Variants in ARID1A observed in about 807,000 individuals in gnomAD.
ARID1A encodes AT-rich interaction domain 1A, also known as AT-rich interactive domain-containing protein 1A.
ARID1A carries 20 observed loss-of-function variants against 212.6 expected under a neutral mutation model. That is an observed-to-expected ratio of 0.09 (90% confidence interval 0.07 to 0.14). The LOEUF is 0.14. Ranked by LOEUF, ARID1A falls within the 10% of genes least tolerant of loss-of-function variation. The pLI is 1.00. For missense variants in ARID1A, 2,587 were observed against 3,059.0 expected, an observed-to-expected ratio of 0.85 and a Z score of 3.64; for synonymous variants, 1,376 against 1,222.1, an observed-to-expected ratio of 1.13 and a Z score of -2.63.
chr1:26,766,889 A>G (rs912057752), intron 10 of ARID1A, among the ~76,000 whole-genome samples: 1 of 152,098 alleles, frequency 6.6e-6, no homozygotes, highest in Admixed American at 6.5e-5. Context: ...TGCCTCCTAT[A>G]CTCAAGCATT....
chr1:26,733,748 C>T (rs1317264541), intron 4 of ARID1A, among the ~76,000 whole-genome samples: 1 of 152,160 alleles, frequency 6.6e-6, no homozygotes, highest in African/African-American at 2.4e-5. Flanking sequence ...AATCCTGCTT[C>T]AGTTAGGAAA....
At chr1:26,755,114 A>G (rs868720895) in intron 4 of ARID1A, among the ~76,000 whole-genome samples, 1 of 152,244 alleles carries the variant, frequency 6.6e-6, no homozygotes, top group Non-Finnish European at 1.5e-5. Flanking sequence ...CTCAAAAAAA[A>G]CCAAACCAAA....
intron 1 of ARID1A, among the ~76,000 whole-genome samples, chr1:26,716,887 A>G (rs1407999519): frequency 6.6e-6 from 1 of 152,106 alleles, no homozygotes; most frequent in Non-Finnish European, 1.5e-5. Flanking sequence ...CGCCCTCCCA[A>G]AGTGCTGAGA....
Position 26,696,274 on chromosome 1 carries a change from C to G in ARID1A, c.-130C>G. The G allele has an allele frequency of 2.8e-6, 3 of 1,059,128 alleles. No individual in the cohort carries two copies. The highest frequency in any genetic ancestry group is 3.5e-6 in the Non-Finnish European group (3 of 862,360). 65.6% of individuals were successfully genotyped at this position (1,059,128 alleles called of 1,614,324 possible). On this transcript the variant is annotated 5_prime_UTR_variant, in exon 1 of 20. Coordinates refer to ENST00000324856, the MANE Select transcript of ARID1A (RefSeq NM_006015.6). The stretch of plus-strand genomic sequence containing the variant: ...GAGAGGAGCGAGCGCAGCGCAGCAG[C>G]GGAGCCCCGCGAGGCCCGCCCGGGC...
chr1:26,732,390 A>G (rs956145449), intron 3 of ARID1A, among the ~76,000 whole-genome samples: 13 of 152,164 alleles, frequency 8.5e-5, no homozygotes, highest in Admixed American at 2.0e-4. Context: ...CATTGGTCTC[A>G]TTCCTTGATA....
chr1:26,738,720 G>T (rs903094510), intron 4 of ARID1A, among the ~76,000 whole-genome samples: 1 of 151,740 alleles, frequency 6.6e-6, no homozygotes, highest in Non-Finnish European at 1.5e-5. Flanking sequence ...CACCACTCCC[G>T]GCTAGTTTTT....
chr1:26,762,720 A>C (rs1044300325), intron 7 of ARID1A, among the ~76,000 whole-genome samples: 6 of 152,248 alleles, frequency 3.9e-5, no homozygotes, highest in African/African-American at 1.4e-4. Flanking sequence ...TACACAGAGC[A>C]TGGAAATAGA....
chr1:26,750,704 G>A (rs2080876180), intron 4 of ARID1A, among the ~76,000 whole-genome samples: 1 of 151,788 alleles, frequency 6.6e-6, no homozygotes, highest in Non-Finnish European at 1.5e-5. Context: ...TATTCAGTTT[G>A]AATACCCAGC....
chr1:26,761,569 T>G, intron 6 of ARID1A, 96 bp downstream of exon 6: 1 of 1,195,956 alleles, frequency 8.4e-7, no homozygotes, highest in Non-Finnish European at 1.2e-6. Context: ...CCATGAAGCT[T>G]AGGACAATCC....
chr1:26,710,528 C>CACACACACACACACACAG (rs1553147494), intron 1 of ARID1A, among the ~76,000 whole-genome samples: 1 of 148,198 alleles, frequency 6.7e-6, no homozygotes, highest in Non-Finnish European at 1.5e-5. Context: ...CACACACACA[C>CACACACACACACACACAG]CACTTGTTGT....
At chr1:26,705,115 A>G (rs2080376161) in intron 1 of ARID1A, among the ~76,000 whole-genome samples, 1 of 151,038 alleles carries the variant, frequency 6.6e-6, no homozygotes, top group African/African-American at 2.4e-5. Context: ...GATTGGTTAC[A>G]CTGCTCCAGT....
rs187798522 is a variant in ARID1A, at chr1:26,767,960, C to T, written c.3159C>T (p.Arg1053=). The T allele has an allele frequency of 1.5e-5, 24 of 1,613,990 alleles. No individual in the cohort carries two copies. The highest frequency in any genetic ancestry group is 5.0e-5 in the Admixed American group (3 of 60,010). The change falls in exon 11 of 20, where the codon CGC becomes CGT. Residue 1053 remains arginine (R), a synonymous_variant. Coordinates refer to ENST00000324856, the MANE Select transcript of ARID1A (RefSeq NM_006015.6). ...GTAGGAAACCTCTGGACCTCTATCGCCTCTATGTGTCTGTGAAGGAGATTG... is the reference window on the plus strand; with the variant it reads ...GTAGGAAACCTCTGGACCTCTATCGTCTCTATGTGTCTGTGAAGGAGATTG... ...AVGRKPLDLY[R]LYVSVKEIGG...
rs955146899 is a variant in ARID1A at position 26,696,827 on chromosome 1, G to T, written c.424G>T (p.Ala142Ser). The T allele has an allele frequency of 2.2e-6, 3 of 1,338,444 alleles. No homozygotes were observed. Among genetic ancestry groups the T allele is most frequent in the Non-Finnish European group, 2.9e-6 (3 of 1,047,580 alleles). The allele number at this position is 1,338,444 out of a possible 1,614,324, so 82.9% of individuals were successfully genotyped here. Residue 142 changes from alanine to serine, a missense_variant, in exon 1 of 20, where the codon GCC (alanine) becomes TCC (serine). This residue lies in a region of ARID1A where 735 missense variants were observed against 590.6 expected (regional missense o/e 1.24). Transcript: ENST00000324856. ...VGAPPHSAAA[A>S]LPPPAYGFGQ... ...GGCGCCTCCTCACTCAGCCGCGGCC[G>T]CCTTGCCGCCCCCAGCCTACGGCTT...
chr1:26,775,270 G>A (rs923382851), intron 18 of ARID1A, 50 bp downstream of exon 18: 1 of 1,524,418 alleles, frequency 6.6e-7, no homozygotes, highest in African/African-American at 1.4e-5. Flanking sequence ...TTTCCATCTT[G>A]TCCATTGTTC....
At position 26,731,549 on chromosome 1, in the gene ARID1A, A is replaced by G. The variant is rs549610261; in HGVS notation, c.1748A>G (p.Gln583Arg). 6.2e-7 allele frequency: 1 copy of G among 1,614,050 alleles called. No homozygotes were observed. Among genetic ancestry groups the G allele is most frequent in the Admixed American group, 1.7e-5 (1 of 60,008 alleles). ...CAGCAGGCTGCGTATCCTCAGCCCCAGTCTCAGCAGTCCCAGCAAACTGCC... is the reference window on the plus strand; with the variant it reads ...CAGCAGGCTGCGTATCCTCAGCCCCGGTCTCAGCAGTCCCAGCAAACTGCC... ...LSQQAAYPQP[Q>R]SQQSQQTAYS... The change falls in exon 3 of 20, where the codon CAG (glutamine) becomes CGG (arginine). Residue 583 changes from glutamine (Q) to arginine (R), a missense_variant. By Grantham distance (43) the Gln-to-Arg change is conservative (BLOSUM62 1). Coordinates refer to ENST00000324856, the MANE Select transcript of ARID1A (RefSeq NM_006015.6).
At position 26,780,237 on chromosome 1, in the gene ARID1A, C is replaced by G. The variant is rs1481739619; in HGVS notation, c.6339C>G (p.Ser2113=). 1.2e-6 allele frequency: 2 copies of G among 1,614,076 alleles called. No individual in the cohort carries two copies. The highest frequency in any genetic ancestry group is 2.7e-5 in the African/African-American group (2 of 74,930). Reference sequence around the variant, plus strand: ...CCCTGGGCCCCAATGCCGTCCTTTCCCCGCAGAGACTGGTCTTGGAAACCC... The same window carrying G: ...CCCTGGGCCCCAATGCCGTCCTTTCGCCGCAGAGACTGGTCTTGGAAACCC... ...FSTLGPNAVL[S]PQRLVLETLS... is the part of the protein sequence containing the mutation. Residue 2113 remains serine (S), a synonymous_variant, in exon 20 of 20, where the codon TCC becomes TCG. Coordinates refer to ENST00000324856, the MANE Select transcript of ARID1A (RefSeq NM_006015.6). The surrounding 1 kb of genome is among the most constrained non-coding windows in gnomAD (Gnocchi z 7.2).
chr1:26,776,898 CT>C (rs1287964752), intron 19 of ARID1A, among the ~76,000 whole-genome samples: 1 of 152,140 alleles, frequency 6.6e-6, no homozygotes, highest in Non-Finnish European at 1.5e-5. Flanking sequence ...TAGAATCTAT[CT>C]GATTCCTAAG....
intron 4 of ARID1A, among the ~76,000 whole-genome samples, chr1:26,749,443 C>T (rs1190633882): frequency 6.6e-6 from 1 of 152,130 alleles, no homozygotes; most frequent in African/African-American, 2.4e-5. Flanking sequence ...ATTAAACCTC[C>T]GGCTGAGCAG....
chr1:26,724,571 G>A (rs1557588355), intron 1 of ARID1A, among the ~76,000 whole-genome samples: 2 of 152,194 alleles, frequency 1.3e-5, no homozygotes, highest in South Asian at 4.1e-4. Flanking sequence ...TGGAGAATTT[G>A]CAGCTATTTT....
Sources: allele counts gnomAD v4.1 joint callset (sites outside exome capture counted in the v4.1 genomes callset), GRCh38; gene constraint gnomAD v4.1.1; regional missense constraint gnomAD v4.1.1; non-coding constraint Gnocchi (gnomAD v3.1); transcripts MANE v1.5; gene names NCBI Gene and HGNC (gene_info 2026-07-23, HGNC 2026-07-21).